The following SAMD12 variants were observed in gnomAD, a reference collection of about 807,000 sequenced individuals.
SAMD12 encodes the protein sterile alpha motif domain containing 12, also known as sterile alpha motif domain-containing protein 12.
In SAMD12, 9 loss-of-function variants were observed where a neutral mutation model predicts 15.0. The ratio of observed to expected loss-of-function variants is 0.60; its 90% CI spans 0.36 to 1.05. The LOEUF (loss-of-function observed/expected upper bound fraction) is 1.05, where lower values mean the gene tolerates loss of function less well. SAMD12 is among the 50% of genes least tolerant of loss of function. SAMD12 has a pLI of 0.01. For missense variants in SAMD12, 230 were observed against 234.2 expected, an observed-to-expected ratio of 0.98 and a Z score of 0.12; for synonymous variants, 86 against 90.1, an observed-to-expected ratio of 0.96 and a Z score of 0.25.
At chr8:118,337,912 C>T (rs903576440) in intron 4 of SAMD12, among the ~76,000 whole-genome samples, 1 of 152,140 alleles carries the variant, frequency 6.6e-6, no homozygotes, top group African/African-American at 2.4e-5. Context: ...GTGGTAAGAA[C>T]AAATCTTCTA....
At chr8:118,449,276 T>C (rs1032867041) in intron 2 of SAMD12, among the ~76,000 whole-genome samples, 1 of 151,876 alleles carries the variant, frequency 6.6e-6, no homozygotes, top group African/African-American at 2.4e-5. Flanking sequence ...TTGGCTAGGC[T>C]GGTCTCGAAC....
At chr8:118,429,807 T>A (rs1822342378) in intron 3 of SAMD12, among the ~76,000 whole-genome samples, 1 of 152,062 alleles carries the variant, frequency 6.6e-6, no homozygotes, top group Non-Finnish European at 1.5e-5. Context: ...GGAAGGAGAA[T>A]CGCTTGAACC....
chr8:118,519,267 C>T (rs1825326874), intron 2 of SAMD12, among the ~76,000 whole-genome samples: 1 of 152,210 alleles, frequency 6.6e-6, no homozygotes, highest in Non-Finnish European at 1.5e-5. Flanking sequence ...GGATCTCTTC[C>T]AGCTACATTC....
chr8:118,426,814 T>A (rs1004346220), intron 3 of SAMD12, among the ~76,000 whole-genome samples: 1 of 152,114 alleles, frequency 6.6e-6, no homozygotes, highest in Admixed American at 6.5e-5. Context: ...ATCGTGAGTA[T>A]TTTGTGTTAA....
At chr8:118,599,747 C>T (rs774851058) in intron 1 of SAMD12, among the ~76,000 whole-genome samples, 2 of 152,138 alleles carry the variant, frequency 1.3e-5, no homozygotes, top group Non-Finnish European at 2.9e-5. Context: ...ATCAGAGAGA[C>T]CTTACTACTT....
At chr8:118,149,132 C>T in the SAMD12 span, among the ~76,000 whole-genome samples, 2 of 152,140 alleles carry the variant, frequency 1.3e-5, no homozygotes, top group South Asian at 2.1e-4. Flanking sequence ...TTCTGTAGCC[C>T]AGGCTGAGGG....
intron 2 of SAMD12, among the ~76,000 whole-genome samples, chr8:118,544,548 G>A (rs757063350): frequency 3.9e-5 from 6 of 152,104 alleles, no homozygotes; most frequent in East Asian, 3.9e-4. Flanking sequence ...GAGTGTACAC[G>A]GTTGCTCCAG....
chr8:118,139,216 A>G, the SAMD12 span, among the ~76,000 whole-genome samples: 9 of 120,174 alleles, frequency 7.5e-5, no homozygotes, highest in Admixed American at 2.0e-4. Flanking sequence ...GGCAGACATT[A>G]AAAAAAAAAA....
chr8:118,471,329 T>C (rs1467687660), intron 2 of SAMD12, among the ~76,000 whole-genome samples: 1 of 152,204 alleles, frequency 6.6e-6, no homozygotes, highest in Non-Finnish European at 1.5e-5. Flanking sequence ...TAGTCTGCAG[T>C]TGTAAGGACT....
chr8:118,273,690 G>A (rs1242068072), intron 4 of SAMD12, among the ~76,000 whole-genome samples: 1 of 152,156 alleles, frequency 6.6e-6, no homozygotes, highest in Non-Finnish European at 1.5e-5. Context: ...GGCCTTAAAG[G>A]AAGGCAGGGC....
intron 3 of SAMD12, among the ~76,000 whole-genome samples, chr8:118,402,409 G>A (rs978529857): frequency 1.3e-5 from 2 of 152,148 alleles, no homozygotes; most frequent in Admixed American, 6.5e-5. Flanking sequence ...AAAGGCAGAT[G>A]GAGAAATAAC....
At chr8:118,289,434 A>C (rs1264488902) in intron 4 of SAMD12, among the ~76,000 whole-genome samples, 1 of 152,228 alleles carries the variant, frequency 6.6e-6, no homozygotes, top group African/African-American at 2.4e-5. Context: ...AATGGCAGGC[A>C]GTTAAATGTT....
intron 4 of SAMD12, among the ~76,000 whole-genome samples, chr8:118,351,122 C>T (rs79276564): frequency 0.037 from 5,607 of 152,204 alleles, 328 homozygotes; most frequent in African/African-American, 0.13. Context: ...GTTCTTCTTC[C>T]TCTAAATATT....
chr8:118,448,028 T>C (rs1822971398), intron 2 of SAMD12, among the ~76,000 whole-genome samples: 1 of 152,150 alleles, frequency 6.6e-6, no homozygotes, highest in African/African-American at 2.4e-5. Flanking sequence ...GCGCCCAGCC[T>C]CTTTGATGTC....
rs1812134703 is a variant in SAMD12, at chr8:118,223,989, C to A, written c.434-26257G>T. Among the ~76,000 whole-genome samples the A allele has an allele frequency of 2.0e-5, 3 of 152,134 alleles. 1 individual carries two copies. Among genetic ancestry groups the A allele is most frequent in the African/African-American group, 7.2e-5 (3 of 41,436 alleles). On this transcript the variant is annotated intron_variant, in intron 4 of 4. Transcript: ENST00000409003. ...TGCAATATATGTGCAATTAACATGC[C>A]AGGCTCTATTCTCGATCTTGGGATA...
At chr8:118,322,631 T>C (rs1330617207) in intron 4 of SAMD12, among the ~76,000 whole-genome samples, 3 of 152,204 alleles carry the variant, frequency 2.0e-5, no homozygotes, top group African/African-American at 4.8e-5. Context: ...GACCTGAATA[T>C]AAAATCCTGG....
At chr8:118,532,832 T>C (rs1390798383) in intron 2 of SAMD12, among the ~76,000 whole-genome samples, 1 of 152,166 alleles carries the variant, frequency 6.6e-6, no homozygotes, top group Non-Finnish European at 1.5e-5. Context: ...TCTCTCTTTT[T>C]TTCTTTACTA....
exon 5 of SAMD12, chr8:118,193,974 G>A (rs1819482676): frequency 6.6e-6 from 1 of 152,148 alleles, no homozygotes; most frequent in African/African-American, 2.4e-5. Context: ...GAACAAAACT[G>A]CTCATGTACT....
intron 2 of SAMD12, among the ~76,000 whole-genome samples, chr8:118,520,911 T>C (rs1457801975): frequency 1.3e-5 from 2 of 152,148 alleles, no homozygotes; most frequent in Non-Finnish European, 2.9e-5. Flanking sequence ...AAAAAATAAT[T>C]AGGACAAGGG....
Sources: allele counts gnomAD v4.1 joint callset (sites outside exome capture counted in the v4.1 genomes callset), GRCh38; gene constraint gnomAD v4.1.1; transcripts MANE v1.5; gene names NCBI Gene and HGNC (gene_info 2026-07-23, HGNC 2026-07-21).